The following OR4B1 variants were observed in gnomAD, a reference collection of about 807,000 sequenced individuals.
OR4B1 encodes olfactory receptor 4B1.
For synonymous variants in OR4B1, 196 were observed against 141.2 expected (o/e 1.39, Z -2.75); for missense variants, 520 against 370.7 (o/e 1.40, Z -3.31).
rs775405091 is a variant in OR4B1 at position 48,217,631 on chromosome 11, G to C, written c.822G>C (p.Thr274=). ...ATAAACTTGTGGCTGTATTCTACACGGTCATCACCCCCATGCTGAACCCCA... is the reference window on the plus strand; with the variant it reads ...ATAAACTTGTGGCTGTATTCTACACCGTCATCACCCCCATGCTGAACCCCA... ...TEDKLVAVFY[T]VITPMLNPII... is the part of the protein sequence containing the mutation. The change falls in exon 1 of 1, where the codon ACG becomes ACC. Residue 274 remains threonine (T), a synonymous_variant. Transcript: ENST00000309562. 1.9e-6 allele frequency: 3 copies of C among 1,611,810 alleles called. No individual in the cohort carries two copies. Among genetic ancestry groups the C allele is most frequent in the Non-Finnish European group, 2.5e-6 (3 of 1,179,980 alleles).
At position 48,217,550 on chromosome 11, in the gene OR4B1, G is replaced by GT; in HGVS notation, c.747dup (p.Gly250TrpfsTer16). On this transcript the variant is annotated frameshift_variant, in exon 1 of 1. Transcript: ENST00000309562. LOFTEE classifies it low-confidence loss of function (END_TRUNC). Reference sequence around the variant, plus strand: ...CTTCTCACATCACAGTGGTCATCTTGTTTTTTGGACCTGCTATCTTCCTCT... The same window carrying GT: ...CTTCTCACATCACAGTGGTCATCTTGTTTTTTTGGACCTGCTATCTTCCTCT... The GT allele has an allele frequency of 2.5e-6, 4 of 1,614,096 alleles. No homozygotes were observed. The highest frequency in any genetic ancestry group is 3.4e-6 in the Non-Finnish European group (4 of 1,180,034).
rs150231573 is a variant in OR4B1 at position 48,217,173 on chromosome 11, G to T, written c.364G>T (p.Val122Leu). The T allele has an allele frequency of 2.5e-6, 4 of 1,613,990 alleles. No homozygotes were observed. Among genetic ancestry groups the T allele is most frequent in the East Asian group, 4.5e-5 (2 of 44,880 alleles). ...LIVVMAYDCY[V>L]AICKPLHYMN... ...TGTGGTGATGGCCTATGATTGCTAC[G>T]TGGCCATTTGCAAGCCTCTTCATTA... The change falls in exon 1 of 1, where the codon GTG (valine) becomes TTG (leucine). Residue 122 changes from valine to leucine, a missense_variant. Physicochemically the swap from Val to Leu is conservative, Grantham distance 32 (BLOSUM62 1). Coordinates refer to ENST00000309562, the MANE Select transcript of OR4B1 (RefSeq NM_001005470.1).
At position 48,217,040 on chromosome 11, in the gene OR4B1, T is replaced by C; in HGVS notation, c.231T>C (p.Pro77=). The C allele has an allele frequency of 6.2e-7, 1 of 1,614,040 alleles. No homozygotes were observed. The highest frequency in any genetic ancestry group is 1.1e-5 in the South Asian group (1 of 91,080). The change falls in exon 1 of 1, where the codon CCT becomes CCC. Residue 77 remains proline (P), a synonymous_variant. Coordinates refer to ENST00000309562, the MANE Select transcript of OR4B1 (RefSeq NM_001005470.1). ...VEISYSSTIA[P]KFIIDLLAKI... ...TCAGTTATTCCTCCACTATCGCCCCTAAATTCATCATAGACTTACTTGCCA... is the reference window on the plus strand; with the variant it reads ...TCAGTTATTCCTCCACTATCGCCCCCAAATTCATCATAGACTTACTTGCCA...
In OR4B1 at chr11:48,217,253, G is replaced by C; in HGVS notation, c.444G>C (p.Leu148=). 2 of 1,614,052 alleles carry C rather than the reference G, an allele frequency of 1.2e-6. No homozygotes were observed. Among genetic ancestry groups the C allele is most frequent in the Admixed American group, 1.7e-5 (1 of 59,984 alleles). Residue 148 remains leucine (L), a synonymous_variant, in exon 1 of 1, where the codon CTG becomes CTC. Coordinates refer to ENST00000309562, the MANE Select transcript of OR4B1 (RefSeq NM_001005470.1). Reference sequence around the variant, plus strand: ...ACCTTCTGGTGGCTGGTTCCTGGCTGGGGGGCTTTTGTCACTCCATAATTC... The same window carrying C: ...ACCTTCTGGTGGCTGGTTCCTGGCTCGGGGGCTTTTGTCACTCCATAATTC... ...LCHLLVAGSW[L]GGFCHSIIQI...
rs751491708 is a variant in OR4B1 at position 48,217,215 on chromosome 11, C to T, written c.406C>T (p.Arg136Cys). 36 of 1,614,008 alleles carry T rather than the reference C, an allele frequency of 2.2e-5. No homozygotes were observed. The highest frequency in any genetic ancestry group is 3.3e-4 in the Middle Eastern group (2 of 6,084). Residue 136 changes from arginine to cysteine, a missense_variant, in exon 1 of 1, where the codon CGT becomes TGT. Physicochemically the swap from Arg to Cys is radical, Grantham distance 180. Transcript: ENST00000309562. ...TCTTCATTATATGAACATTATCAGT[C>T]GTCAACTGTGTCACCTTCTGGTGGC... ...KPLHYMNIIS[R>C]QLCHLLVAGS...
rs1370505526 is a variant in OR4B1, at chr11:48,217,001, G to A, written c.192G>A (p.Leu64=). Residue 64 remains leucine, a synonymous_variant, in exon 1 of 1, where the codon CTG becomes CTA. Coordinates refer to ENST00000309562, the MANE Select transcript of OR4B1 (RefSeq NM_001005470.1). ...DSPMYFFLSC[L]SLVEISYSST... ...CCATGTACTTCTTCCTTAGCTGCCT[G>A]TCCTTGGTGGAGATCAGTTATTCCT... 6.2e-7 allele frequency: 1 copy of A among 1,614,114 alleles called. No homozygotes were observed. Among genetic ancestry groups the A allele is most frequent in the South Asian group, 1.1e-5 (1 of 91,088 alleles).
chr11:48,217,327 A>G lies in OR4B1; in HGVS notation c.518A>G (p.Asp173Gly). The change falls in exon 1 of 1, where the codon GAC becomes GGC. Residue 173 changes from aspartate to glycine, a missense_variant. Coordinates refer to ENST00000309562, the MANE Select transcript of OR4B1 (RefSeq NM_001005470.1). ...CCCTTCTGTGGTCCCAATGTGATTG[A>G]CCACTATTTCTGTGACCTCCAGCCT... ...QLPFCGPNVI[D>G]HYFCDLQPLF... is the part of the protein sequence containing the mutation. 3.1e-6 allele frequency: 5 copies of G among 1,614,114 alleles called. No individual in the cohort carries two copies. The highest frequency in any genetic ancestry group is 2.2e-5 in the East Asian group (1 of 44,872).
Position 48,217,640 on chromosome 11 carries a change from C to T in OR4B1, c.831C>T (p.Thr277=), listed in dbSNP as rs569852069. 8 of 1,610,870 alleles carry T rather than the reference C, an allele frequency of 5.0e-6. No individual in the cohort carries two copies. The highest frequency in any genetic ancestry group is 1.3e-5 in the African/African-American group (1 of 75,018). ...KLVAVFYTVI[T]PMLNPIIYTL... ...TGGCTGTATTCTACACGGTCATCACCCCCATGCTGAACCCCATCATTTACA... is the reference window on the plus strand; with the variant it reads ...TGGCTGTATTCTACACGGTCATCACTCCCATGCTGAACCCCATCATTTACA... Residue 277 remains threonine, a synonymous_variant, in exon 1 of 1, where the codon ACC becomes ACT. Coordinates refer to ENST00000309562, the MANE Select transcript of OR4B1 (RefSeq NM_001005470.1).
chr11:48,217,711 G>T lies in OR4B1; in HGVS notation c.902G>T (p.Ser301Ile), dbSNP rs748257541. 6.9e-6 allele frequency: 11 copies of T among 1,595,024 alleles called. No homozygotes were observed. In the African/African-American group the frequency reaches 8.1e-5, roughly 12 times the overall value. The stretch of plus-strand genomic sequence containing the variant: ...AAAATCGCCATAAGAAGATTGTGGA[G>T]CAAAAAGGAGAATCCAGGGAGGGAG... ...EVKIAIRRLW[S>I]KKENPGRE Residue 301 changes from serine to isoleucine, a missense_variant, in exon 1 of 1, where the codon AGC becomes ATC. Coordinates refer to ENST00000309562, the MANE Select transcript of OR4B1 (RefSeq NM_001005470.1).
Position 48,217,250 on chromosome 11 carries a change from G to T in OR4B1, c.441G>T (p.Trp147Cys), listed in dbSNP as rs1424648969. 1.2e-6 allele frequency: 2 copies of T among 1,614,100 alleles called. No individual in the cohort carries two copies. Residue 147 changes from tryptophan to cysteine, a missense_variant, in exon 1 of 1, where the codon TGG becomes TGT. Physicochemically the swap from Trp to Cys is radical, Grantham distance 215 (BLOSUM62 -2). Coordinates refer to ENST00000309562, the MANE Select transcript of OR4B1 (RefSeq NM_001005470.1). ...GTCACCTTCTGGTGGCTGGTTCCTG[G>T]CTGGGGGGCTTTTGTCACTCCATAA... ...QLCHLLVAGS[W>C]LGGFCHSIIQ...
chr11:48,216,903 G>T lies in OR4B1; in HGVS notation c.94G>T (p.Val32Leu). Residue 32 changes from valine to leucine, a missense_variant, in exon 1 of 1, where the codon GTG becomes TTG. Transcript: ENST00000309562. ...QSVCFVVFLP[V>L]YLATVVGNGL... is the part of the protein sequence containing the mutation. ...TGTATGCTTTGTGGTGTTTCTCCCC[G>T]TGTACCTTGCCACGGTGGTGGGCAA... 3.1e-6 allele frequency: 5 copies of T among 1,613,970 alleles called. No homozygotes were observed. Among genetic ancestry groups the T allele is most frequent in the Non-Finnish European group, 4.2e-6 (5 of 1,179,908 alleles).
At position 48,217,137 on chromosome 11, in the gene OR4B1, A is replaced by G; in HGVS notation, c.328A>G (p.Ile110Val). The change falls in exon 1 of 1, where the codon ATC becomes GTC. Residue 110 changes from isoleucine (I) to valine (V), a missense_variant. Physicochemically the swap from Ile to Val is conservative, Grantham distance 29. Transcript: ENST00000309562. Reference protein sequence around the residue: ...FFFHFFGVAEILLIVVMAYDC... With the variant: ...FFFHFFGVAEVLLIVVMAYDC... ...CTTCCACTTCTTTGGGGTTGCTGAGATCCTTTTGATTGTGGTGATGGCCTA... is the reference window on the plus strand; with the variant it reads ...CTTCCACTTCTTTGGGGTTGCTGAGGTCCTTTTGATTGTGGTGATGGCCTA... The G allele has an allele frequency of 6.2e-7, 1 of 1,613,984 alleles. No homozygotes were observed. The highest frequency in any genetic ancestry group is 8.5e-7 in the Non-Finnish European group (1 of 1,179,988).
rs757704236 is a variant in OR4B1 at position 48,217,342 on chromosome 11, A to T, written c.533A>T (p.Asp178Val). The T allele has an allele frequency of 4.3e-6, 7 of 1,613,666 alleles. No homozygotes were observed. The highest frequency in any genetic ancestry group is 5.9e-6 in the Non-Finnish European group (7 of 1,179,920). The change falls in exon 1 of 1, where the codon GAC becomes GTC. Residue 178 changes from aspartate (D) to valine (V), a missense_variant. Transcript: ENST00000309562. ...AATGTGATTGACCACTATTTCTGTGACCTCCAGCCTTTATTCAAGCTTGCC... is the reference window on the plus strand; with the variant it reads ...AATGTGATTGACCACTATTTCTGTGTCCTCCAGCCTTTATTCAAGCTTGCC... ...GPNVIDHYFCDLQPLFKLACT... is the reference protein window; with the variant it reads ...GPNVIDHYFCVLQPLFKLACT...
Position 48,217,093 on chromosome 11 carries a change from G to A in OR4B1, c.284G>A (p.Cys95Tyr). 2.5e-6 allele frequency: 4 copies of A among 1,614,172 alleles called. No homozygotes were observed. The South Asian group carries it at 3.3e-5, about 13-fold the overall frequency. ...ATTAAAACCATCTCTCTGGAAGGCT[G>A]TCTGACTCAGATATTCTTCTTCCAC... ...AKIKTISLEG[C>Y]LTQIFFFHFF... Residue 95 changes from cysteine (C) to tyrosine (Y), a missense_variant, in exon 1 of 1, where the codon TGT becomes TAT. Transcript: ENST00000309562.
In OR4B1 at chr11:48,217,259, C is replaced by A; in HGVS notation, c.450C>A (p.Gly150=). The A allele has an allele frequency of 6.2e-7, 1 of 1,614,088 alleles. No homozygotes were observed. Among genetic ancestry groups the A allele is most frequent in the Non-Finnish European group, 8.5e-7 (1 of 1,180,030 alleles). The change falls in exon 1 of 1, where the codon GGC becomes GGA. Residue 150 remains glycine, a synonymous_variant. Coordinates refer to ENST00000309562, the MANE Select transcript of OR4B1 (RefSeq NM_001005470.1). ...HLLVAGSWLG[G]FCHSIIQILV... ...TGGTGGCTGGTTCCTGGCTGGGGGG[C>A]TTTTGTCACTCCATAATTCAGATTC...
rs953421357 is a variant in OR4B1, at chr11:48,217,439, C to A, written c.630C>A (p.Leu210=). 3 of 1,614,036 alleles carry A rather than the reference C, an allele frequency of 1.9e-6. No homozygotes were observed. In the African/African-American group the frequency reaches 4.0e-5, roughly 22 times the overall value. ...GATTATTCTCTGTCTTCTCCTTCCT[C>A]ATCTTGGTGTCCTCTTATATTGTCA... ...NSGLFSVFSF[L]ILVSSYIVIL... is the part of the protein sequence containing the mutation. The change falls in exon 1 of 1, where the codon CTC becomes CTA. Residue 210 remains leucine, a synonymous_variant. Coordinates refer to ENST00000309562, the MANE Select transcript of OR4B1 (RefSeq NM_001005470.1).
Position 48,217,618 on chromosome 11 carries a change from C to T in OR4B1, c.809C>T (p.Ala270Val), listed in dbSNP as rs1858651382. The T allele has an allele frequency of 1.2e-6, 2 of 1,613,162 alleles. No individual in the cohort carries two copies. The highest frequency in any genetic ancestry group is 1.3e-5 in the African/African-American group (1 of 74,918). Reference sequence around the variant, plus strand: ...ACTTTCACTGAAGATAAACTTGTGGCTGTATTCTACACGGTCATCACCCCC... The same window carrying T: ...ACTTTCACTGAAGATAAACTTGTGGTTGTATTCTACACGGTCATCACCCCC... The part of the protein sequence containing the change: ...SSTFTEDKLV[A>V]VFYTVITPML... Residue 270 changes from alanine to valine, a missense_variant, in exon 1 of 1, where the codon GCT becomes GTT. Physicochemically the swap from Ala to Val is moderately conservative, Grantham distance 64. Coordinates refer to ENST00000309562, the MANE Select transcript of OR4B1 (RefSeq NM_001005470.1).
At position 48,217,399 on chromosome 11, in the gene OR4B1, T is replaced by C; in HGVS notation, c.590T>C (p.Val197Ala). The change falls in exon 1 of 1, where the codon GTG becomes GCG. Residue 197 changes from valine to alanine, a missense_variant. By Grantham distance (64) the Val-to-Ala change is moderately conservative. Transcript: ENST00000309562. ...CTDTFMEGVI[V>A]LANSGLFSVF... ...GACACCTTCATGGAGGGGGTTATTG[T>C]GTTGGCCAACAGTGGATTATTCTCT... 1 of 1,614,184 alleles carries C rather than the reference T, an allele frequency of 6.2e-7. No homozygotes were observed. The highest frequency in any genetic ancestry group is 8.5e-7 in the Non-Finnish European group (1 of 1,180,024).
In OR4B1 at chr11:48,217,484, C is replaced by G. The variant is rs544130500; in HGVS notation, c.675C>G (p.Asn225Lys). The G allele has an allele frequency of 6.2e-7, 1 of 1,614,114 alleles. No homozygotes were observed. The highest frequency in any genetic ancestry group is 8.5e-7 in the Non-Finnish European group (1 of 1,180,024). Residue 225 changes from asparagine (N) to lysine (K), a missense_variant, in exon 1 of 1, where the codon AAC (asparagine) becomes AAG (lysine). By Grantham distance (94) the Asn-to-Lys change is moderately conservative. Transcript: ENST00000309562. ...SYIVILVNLRNHSAEGRHKAL... is the reference protein window; with the variant it reads ...SYIVILVNLRKHSAEGRHKAL... ...TTGTCATTCTGGTCAACTTGAGGAA[C>G]CATTCTGCAGAGGGGAGGCACAAAG...
Sources: allele counts gnomAD v4.1 joint callset, GRCh38; gene constraint gnomAD v4.1.1; transcripts MANE v1.5; gene names NCBI Gene and HGNC (gene_info 2026-07-23, HGNC 2026-07-21).